Variants in CCDC33 observed in about 807,000 individuals in gnomAD.
The protein encoded by CCDC33 is coiled-coil domain-containing protein 33.
CCDC33 carries 94 observed loss-of-function variants against 91.9 expected under a neutral mutation model. That is an observed-to-expected ratio of 1.02 (90% CI 0.87 to 1.21). The LOEUF is 1.21. Among genes scored for constraint, CCDC33 ranks in the 50% most tolerant of loss-of-function variants. The pLI, the probability that CCDC33 is intolerant of heterozygous loss-of-function variation, is 0.00. For synonymous variants in CCDC33, 396 were observed against 374.5 expected, an observed-to-expected ratio of 1.06 and a Z score of -0.66; for missense variants, 940 against 935.5, an observed-to-expected ratio of 1.00 and a Z score of -0.06.
intron 3 of CCDC33, among the ~76,000 whole-genome samples, chr15:74,264,240 G>T (rs2076106128): frequency 6.6e-6 from 1 of 152,054 alleles, no homozygotes; most frequent in Non-Finnish European, 1.5e-5. Context: ...GGCGGGGGAA[G>T]GGTGGGAGGT....
At chr15:74,271,870 G>A in intron 6 of CCDC33, 76 bp downstream of exon 6, 1 of 1,285,736 alleles carries the variant, frequency 7.8e-7, no homozygotes, top group Non-Finnish European at 1.1e-6. Context: ...TGTCATTGCT[G>A]CCATGGGCTG....
intron 2 of CCDC33, among the ~76,000 whole-genome samples, chr15:74,223,679 G>A (rs189255612): frequency 5.0e-5 from 6 of 120,376 alleles, no homozygotes; most frequent in African/African-American, 1.4e-4. Context: ...GGTCAGCCCC[G>A]TCCAGGCAGC....
At chr15:74,323,545 T>G (rs2060247873) in intron 11 of CCDC33, among the ~76,000 whole-genome samples, 1 of 152,018 alleles carries the variant, frequency 6.6e-6, no homozygotes, top group Non-Finnish European at 1.5e-5. Context: ...TTTTTATTTT[T>G]GGGACACAGT....
At position 74,336,021 on chromosome 15, in the gene CCDC33, C is replaced by G. The variant is rs750730837; in HGVS notation, c.2236C>G (p.Gln746Glu). The change falls in exon 19 of 19, where the codon CAG (glutamine) becomes GAG (glutamate). Residue 746 changes from glutamine to glutamate, a missense_variant. Transcript: ENST00000398814. ...TAAGCTCAACAAGCCCTTGAGCCCC[C>G]AGAAGGAGACCGCTAACTCTCAGCA... ...DSKLNKPLSPQKETANSQQT is the reference protein window; with the variant it reads ...DSKLNKPLSPEKETANSQQT 6 of 1,613,972 alleles carry G rather than the reference C, an allele frequency of 3.7e-6. No homozygotes were observed. The highest frequency in any genetic ancestry group is 4.2e-6 in the Non-Finnish European group (5 of 1,180,008).
At chr15:74,230,651 C>T (rs1281683912) in intron 2 of CCDC33, among the ~76,000 whole-genome samples, 1 of 152,192 alleles carries the variant, frequency 6.6e-6, no homozygotes, top group Non-Finnish European at 1.5e-5. Flanking sequence ...ACTCGTCACC[C>T]CCAAGTCTCC....
upstream of CCDC33, among the ~76,000 whole-genome samples, chr15:74,232,931 C>T (rs1489847551): frequency 6.6e-6 from 1 of 152,200 alleles, no homozygotes; most frequent in African/African-American, 2.4e-5. Flanking sequence ...TTCACACCCA[C>T]CCAGACCAGA....
At chr15:74,222,315 G>T (rs540427654) in intron 2 of CCDC33, among the ~76,000 whole-genome samples, 1 of 152,250 alleles carries the variant, frequency 6.6e-6, no homozygotes, top group South Asian at 2.1e-4. Flanking sequence ...CTTGTTTGTA[G>T]CTCTGGGAGC....
exon 1 of CCDC33, chr15:74,217,470 G>C: frequency 7.8e-7 from 1 of 1,289,808 alleles, no homozygotes; most frequent in Non-Finnish European, 1.0e-6. Context: ...GCAAGTGAAT[G>C]ATGGGGACCC....
chr15:74,332,508 C>T (rs954598021), intron 15 of CCDC33, among the ~76,000 whole-genome samples, 171 bp from the exon 16 acceptor site: 2 of 152,148 alleles, frequency 1.3e-5, no homozygotes, highest in African/African-American at 4.8e-5. Flanking sequence ...TTCTAAAGAG[C>T]CTAGAAGGAC....
exon 1 of CCDC33, chr15:74,217,311 C>T (rs1180098450): frequency 7.8e-7 from 1 of 1,287,922 alleles, no homozygotes; most frequent in African/African-American, 1.5e-5. Context: ...CTCTGCATCC[C>T]TGCTGAGACA....
chr15:74,233,200 G>A (rs2075039416), upstream of CCDC33, among the ~76,000 whole-genome samples: 1 of 152,210 alleles, frequency 6.6e-6, no homozygotes, highest in Non-Finnish European at 1.5e-5. Flanking sequence ...GCTGCTTCTG[G>A]AGCTGCAAGT....
chr15:74,266,902 G>A (rs900576902), intron 4 of CCDC33, 115 bp downstream of exon 4: 1 of 707,104 alleles, frequency 1.4e-6, no homozygotes, highest in East Asian at 2.5e-5. Flanking sequence ...AGCATGACAA[G>A]TCTAGGACCA....
intron 2 of CCDC33, among the ~76,000 whole-genome samples, chr15:74,211,143 G>A (rs187502198): frequency 0.019 from 1,022 of 54,146 alleles, 11 homozygotes; most frequent in African/African-American, 0.05. Context: ...CCACCACTAC[G>A]CACGCACACG....
chr15:74,290,846 G>A (rs923063268), intron 10 of CCDC33, among the ~76,000 whole-genome samples: 44 of 152,270 alleles, frequency 2.9e-4, no homozygotes, highest in African/African-American at 1.0e-3. Flanking sequence ...TTTCATCTGT[G>A]TTGGAAAGGT....
At chr15:74,205,462 C>T (rs565513314) in intron 1 of CCDC33, among the ~76,000 whole-genome samples, 7 of 152,252 alleles carry the variant, frequency 4.6e-5, no homozygotes, top group African/African-American at 1.7e-4. Flanking sequence ...TACAAATAGC[C>T]AGCTCTCACA....
At chr15:74,283,192 C>A (rs548603564) in intron 10 of CCDC33, among the ~76,000 whole-genome samples, 71 of 152,308 alleles carry the variant, frequency 4.7e-4, no homozygotes, top group African/African-American at 1.7e-3. Context: ...AAGCAACAAA[C>A]CCCAAGAAAG....
At chr15:74,245,570 C>T (rs1469118955) in intron 2 of CCDC33, among the ~76,000 whole-genome samples, 1 of 152,190 alleles carries the variant, frequency 6.6e-6, no homozygotes, top group African/African-American at 2.4e-5. Flanking sequence ...GCCTGGGCGG[C>T]GGGGCGGGGA....
chr15:74,278,749 C>A (rs1052862353), intron 7 of CCDC33, among the ~76,000 whole-genome samples: 2 of 152,266 alleles, frequency 1.3e-5, no homozygotes, highest in Non-Finnish European at 2.9e-5. Context: ...TTTAAGGAGG[C>A]TTTTCTGACC....
chr15:74,271,581 A>G lies in CCDC33; in HGVS notation c.547-122A>G, dbSNP rs2076317960. 3.7e-5 allele frequency: 25 copies of G among 670,268 alleles called. No individual in the cohort carries two copies. The South Asian group carries it at 4.1e-4, about 11-fold the overall frequency. 41.5% of individuals were successfully genotyped at this position (670,268 alleles called of 1,614,324 possible). A position where few individuals can be genotyped will look rare whatever the true frequency, so the allele number is the denominator to read the frequency against. On this transcript the variant is annotated intron_variant, in intron 5 of 18. Transcript: ENST00000398814. Reference sequence around the variant, plus strand: ...CAGGGAACAGGGAGAAGCAGGTGTCAAGTGTGGAGGCAGCCATGAGCTCAC... The same window carrying G: ...CAGGGAACAGGGAGAAGCAGGTGTCGAGTGTGGAGGCAGCCATGAGCTCAC...
Sources: gnomAD v4.1 joint callset for allele counts (sites outside exome capture counted in the v4.1 genomes callset) on GRCh38, gnomAD v4.1.1 for gene constraint, MANE v1.5 for transcripts, NCBI Gene and HGNC (gene_info 2026-07-23, HGNC 2026-07-21) for gene names.